Variants in ENTREP2 observed in about 807,000 individuals in gnomAD.
ENTREP2 encodes protein ENTREP2.
the ENTREP2 span, among the ~76,000 whole-genome samples, chr15:29,331,444 A>G: frequency 6.6e-6 from 1 of 152,150 alleles, no homozygotes; most frequent in African/African-American, 2.4e-5. Context: ...CTCGATGGGC[A>G]CTAGGAATCT....
At chr15:29,435,933 A>C in the ENTREP2 span, among the ~76,000 whole-genome samples, 1 of 152,094 alleles carries the variant, frequency 6.6e-6, no homozygotes, top group Non-Finnish European at 1.5e-5. Flanking sequence ...AGCAGAGCAC[A>C]GGCATCTACT....
At chr15:29,574,381 C>A in the ENTREP2 span, among the ~76,000 whole-genome samples, 1 of 152,186 alleles carries the variant, frequency 6.6e-6, no homozygotes, top group African/African-American at 2.4e-5. Flanking sequence ...GCAACCTCCA[C>A]CTCCTGAGTT....
At chr15:29,356,511 T>C in the ENTREP2 span, among the ~76,000 whole-genome samples, 1 of 151,354 alleles carries the variant, frequency 6.6e-6, no homozygotes. Flanking sequence ...TTCACTGTGT[T>C]AGCCAGGATG....
chr15:29,203,687 C>T, the ENTREP2 span, among the ~76,000 whole-genome samples: 7 of 152,154 alleles, frequency 4.6e-5, no homozygotes, highest in Admixed American at 4.6e-4. Context: ...AAATAGATCA[C>T]TAAAACTTAC....
chr15:29,191,889 G>A, the ENTREP2 span, among the ~76,000 whole-genome samples: 1 of 152,282 alleles, frequency 6.6e-6, no homozygotes, highest in East Asian at 1.9e-4. Flanking sequence ...ACTCAACCTG[G>A]GCAACAGAGT....
the ENTREP2 span, among the ~76,000 whole-genome samples, chr15:29,239,414 C>T: frequency 4.6e-5 from 7 of 152,186 alleles, no homozygotes; most frequent in Non-Finnish European, 1.0e-4. Context: ...GAAACACAAA[C>T]AGACAAGGAA....
At chr15:29,261,007 C>A in the ENTREP2 span, among the ~76,000 whole-genome samples, 2 of 152,090 alleles carry the variant, frequency 1.3e-5, no homozygotes, top group African/African-American at 4.8e-5. Context: ...AATGAGAGAT[C>A]TTTCCCATTG....
At chr15:29,343,550 T>C in the ENTREP2 span, among the ~76,000 whole-genome samples, 2 of 150,360 alleles carry the variant, frequency 1.3e-5, no homozygotes, top group African/African-American at 4.9e-5. Flanking sequence ...GGTGAGTCCA[T>C]TCCTTTAAAA....
the ENTREP2 span, among the ~76,000 whole-genome samples, chr15:29,417,753 C>T: frequency 6.6e-6 from 1 of 152,112 alleles, no homozygotes; most frequent in East Asian, 1.9e-4. Context: ...TGGCTATTTT[C>T]CATATAAATC....
the ENTREP2 span, among the ~76,000 whole-genome samples, chr15:29,572,821 G>GGC: frequency 6.9e-6 from 1 of 145,828 alleles, no homozygotes; most frequent in East Asian, 2.1e-4. Context: ...ACTACACAGT[G>GGC]CCCCCCCAAC....
the ENTREP2 span, among the ~76,000 whole-genome samples, chr15:29,592,897 C>T: frequency 6.6e-6 from 1 of 152,192 alleles, no homozygotes; most frequent in African/African-American, 2.4e-5. Context: ...AATCTCTGCA[C>T]ACAGCAGCTC....
the ENTREP2 span, among the ~76,000 whole-genome samples, chr15:29,161,924 G>A: frequency 1.3e-5 from 2 of 152,062 alleles, no homozygotes; most frequent in Non-Finnish European, 2.9e-5. Flanking sequence ...CGAGAGGACC[G>A]ACAGACCTCT....
At chr15:29,442,980 G>C in the ENTREP2 span, among the ~76,000 whole-genome samples, 1 of 152,178 alleles carries the variant, frequency 6.6e-6, no homozygotes, top group South Asian at 2.1e-4. Flanking sequence ...CAGGGGCAGG[G>C]ACCAATCCTC....
chr15:29,295,192 A>T, the ENTREP2 span, among the ~76,000 whole-genome samples: 1 of 152,242 alleles, frequency 6.6e-6, no homozygotes, highest in East Asian at 1.9e-4. Flanking sequence ...GTCTACTGAA[A>T]ACCCCTGCCT....
At chr15:29,273,521 C>T in the ENTREP2 span, among the ~76,000 whole-genome samples, 7 of 152,102 alleles carry the variant, frequency 4.6e-5, no homozygotes, top group East Asian at 1.4e-3. Flanking sequence ...ATCATAGGTT[C>T]GTGTGATGAT....
the ENTREP2 span, among the ~76,000 whole-genome samples, chr15:29,634,896 G>A: frequency 1.3e-5 from 2 of 152,270 alleles, no homozygotes; most frequent in Middle Eastern, 3.4e-3. Context: ...AAGCTTCTAC[G>A]CCCTCCCCAG....
the ENTREP2 span, among the ~76,000 whole-genome samples, chr15:29,158,243 T>TAC: frequency 6.6e-6 from 1 of 152,224 alleles, no homozygotes; most frequent in African/African-American, 2.4e-5. Context: ...CAGCCTGCTT[T>TAC]ACGTCTCATG....
chr15:29,648,210 G>T, the ENTREP2 span, among the ~76,000 whole-genome samples: 2 of 152,172 alleles, frequency 1.3e-5, no homozygotes, highest in Non-Finnish European at 2.9e-5. Flanking sequence ...ACCAGAAACC[G>T]CTCCTGATTT....
the ENTREP2 span, among the ~76,000 whole-genome samples, chr15:29,142,560 G>A: frequency 2.0e-5 from 3 of 152,184 alleles, no homozygotes; most frequent in East Asian, 5.8e-4. Flanking sequence ...TGGTGATGCT[G>A]TGGCTCCCAT....
Sources: gnomAD v4.1 joint callset for allele counts (sites outside exome capture counted in the v4.1 genomes callset) on GRCh38, gnomAD v4.1.1 for gene constraint, MANE v1.5 for transcripts, NCBI Gene and HGNC (gene_info 2026-07-23, HGNC 2026-07-21) for gene names.